The following RAB3GAP1 variants were observed in gnomAD, a reference collection of about 807,000 sequenced individuals.
The protein encoded by RAB3GAP1 is rab3 GTPase-activating protein catalytic subunit.
RAB3GAP1 carries 86 observed loss-of-function variants against 130.7 expected under a neutral mutation model. The observed-to-expected ratio is 0.66, with a 90% confidence interval of 0.55 to 0.79. The LOEUF (loss-of-function observed/expected upper bound fraction) is 0.79, where lower values mean the gene tolerates loss of function less well. RAB3GAP1 is among the 30% of genes least tolerant of loss of function. RAB3GAP1 has a pLI of 0.00. For synonymous variants in RAB3GAP1, 367 were observed against 401.7 expected, an observed-to-expected ratio of 0.91 and a Z score of 1.03; for missense variants, 1,029 against 1,169.4, an observed-to-expected ratio of 0.88 and a Z score of 1.75.
At chr2:135,130,167 T>C in intron 12 of RAB3GAP1, 80 bp downstream of exon 12, 1 of 1,161,462 alleles carries the variant, frequency 8.6e-7, no homozygotes, top group Non-Finnish European at 1.3e-6. Context: ...ACTTTTCATC[T>C]GTTTTCTCAT....
At chr2:135,131,803 T>A (rs889896431) in intron 13 of RAB3GAP1, among the ~76,000 whole-genome samples, 1 of 152,254 alleles carries the variant, frequency 6.6e-6, no homozygotes, top group Non-Finnish European at 1.5e-5. Flanking sequence ...TGACACTGCC[T>A]GGCATATATG....
intron 3 of RAB3GAP1, among the ~76,000 whole-genome samples, chr2:135,075,778 A>G (rs1689615318): frequency 6.6e-6 from 1 of 151,966 alleles, no homozygotes; most frequent in South Asian, 2.1e-4. Context: ...CGTGGGAGTC[A>G]TAGGATCAAA....
At chr2:135,052,582 T>G (rs1688911171) in intron 2 of RAB3GAP1, 97 bp downstream of exon 2, 2 of 1,428,964 alleles carry the variant, frequency 1.4e-6, no homozygotes, top group East Asian at 4.6e-5. Flanking sequence ...ACGCCACTTG[T>G]GCGGGAACGG....
chr2:135,055,634 C>T (rs1464028493), intron 2 of RAB3GAP1, among the ~76,000 whole-genome samples: 4 of 148,922 alleles, frequency 2.7e-5, no homozygotes, highest in Non-Finnish European at 4.4e-5. Flanking sequence ...GCTGTGATTA[C>T]ACCACTGCAT....
chr2:135,125,293 G>A (rs1691317201), intron 9 of RAB3GAP1, among the ~76,000 whole-genome samples: 1 of 152,166 alleles, frequency 6.6e-6, no homozygotes, highest in South Asian at 2.1e-4. Flanking sequence ...GCATGAATCA[G>A]TACAGTAGTA....
chr2:135,099,713 T>G (rs1690400732), intron 5 of RAB3GAP1, among the ~76,000 whole-genome samples: 1 of 152,092 alleles, frequency 6.6e-6, no homozygotes, highest in African/African-American at 2.4e-5. Context: ...GAGCCTGGCA[T>G]TCTCATTTTA....
chr2:135,081,359 TATAC>T (rs1242781249), intron 3 of RAB3GAP1, among the ~76,000 whole-genome samples: 4 of 81,080 alleles, frequency 4.9e-5, no homozygotes, highest in South Asian at 1.3e-3. Context: ...TATATATATA[TATAC>T]ACACACGTGT....
chr2:135,122,146 A>G (rs2104930113), intron 8 of RAB3GAP1, among the ~76,000 whole-genome samples: 1 of 152,290 alleles, frequency 6.6e-6, no homozygotes, highest in African/African-American at 2.4e-5. Flanking sequence ...TGGCAGTTAT[A>G]TGTACTACTA....
intron 2 of RAB3GAP1, among the ~76,000 whole-genome samples, chr2:135,053,154 A>G (rs530442680): frequency 5.3e-5 from 8 of 152,270 alleles, no homozygotes; most frequent in African/African-American, 1.7e-4. Flanking sequence ...ATTACGCCCA[A>G]CTAATTTTTT....
intron 18 of RAB3GAP1, 122 bp from the exon 19 acceptor site, chr2:135,153,527 A>G: frequency 1.1e-6 from 1 of 878,456 alleles, no homozygotes; most frequent in Non-Finnish European, 1.9e-6. Context: ...ATCCAAATTC[A>G]TTTTACATAT....
chr2:135,145,641 T>C (rs531137644), intron 17 of RAB3GAP1, among the ~76,000 whole-genome samples: 2 of 152,298 alleles, frequency 1.3e-5, no homozygotes, highest in South Asian at 4.1e-4. Context: ...TATAAGTTCA[T>C]AGTACTTCTT....
intron 5 of RAB3GAP1, among the ~76,000 whole-genome samples, chr2:135,109,422 A>C (rs1473631185): frequency 6.6e-6 from 1 of 152,114 alleles, no homozygotes; most frequent in African/African-American, 2.4e-5. Context: ...TTACAATTAA[A>C]TTAAAATATT....
chr2:135,096,580 A>G (rs1690300961), intron 5 of RAB3GAP1, among the ~76,000 whole-genome samples: 1 of 152,210 alleles, frequency 6.6e-6, no homozygotes, highest in Admixed American at 6.5e-5. Flanking sequence ...TAATGTGACT[A>G]AATTTATCAG....
downstream of RAB3GAP1, among the ~76,000 whole-genome samples, chr2:135,172,854 T>C (rs1692895802): frequency 6.6e-6 from 1 of 152,176 alleles, no homozygotes; most frequent in Non-Finnish European, 1.5e-5. Context: ...CCACACCCAT[T>C]GTACCAGGGT....
chr2:135,126,774 A>C lies in RAB3GAP1; in HGVS notation c.973+118A>C, dbSNP rs536780598. Reference sequence around the variant, plus strand: ...TCTTCAGTTAACACCATGTAGGAAAAAAATCATTGCCAATAGCAGTGAATC... The same window carrying C: ...TCTTCAGTTAACACCATGTAGGAAACAAATCATTGCCAATAGCAGTGAATC... On this transcript the variant is annotated intron_variant, in intron 11 of 23. Coordinates refer to ENST00000264158, the MANE Select transcript of RAB3GAP1 (RefSeq NM_012233.3). The C allele has an allele frequency of 1.3e-5, 11 of 877,630 alleles. No individual in the cohort carries two copies. In the African/African-American group the frequency reaches 1.3e-4, roughly 10 times the overall value. The allele number at this position is 877,630 out of a possible 1,614,324, so 54.4% of individuals were successfully genotyped here. A position where few individuals can be genotyped will look rare whatever the true frequency, so the allele number is the denominator to read the frequency against.
chr2:135,101,792 TC>T (rs1690455883), intron 5 of RAB3GAP1, among the ~76,000 whole-genome samples: 2 of 152,172 alleles, frequency 1.3e-5, no homozygotes, highest in Middle Eastern at 3.2e-3. Flanking sequence ...TAAATACTTT[TC>T]TTTTTTTATT....
intron 22 of RAB3GAP1, among the ~76,000 whole-genome samples, chr2:135,164,234 T>C (rs1365110772): frequency 6.6e-6 from 1 of 152,262 alleles, no homozygotes; most frequent in African/African-American, 2.4e-5. Context: ...TCATTGCTTT[T>C]ATTGGATAAA....
chr2:135,097,085 T>G (rs377618809), intron 5 of RAB3GAP1, among the ~76,000 whole-genome samples: 9 of 152,244 alleles, frequency 5.9e-5, no homozygotes, highest in Non-Finnish European at 1.0e-4. Context: ...ACTTCAACAC[T>G]TTATATAGTT....
chr2:135,118,586 T>C (rs777943398), intron 7 of RAB3GAP1, among the ~76,000 whole-genome samples: 3 of 152,168 alleles, frequency 2.0e-5, no homozygotes, highest in Non-Finnish European at 4.4e-5. Flanking sequence ...TTTGGGAAAT[T>C]TAGTTTGTAG....
Sources: gnomAD v4.1 joint callset for allele counts (sites outside exome capture counted in the v4.1 genomes callset) on GRCh38, gnomAD v4.1.1 for gene constraint, MANE v1.5 for transcripts, NCBI Gene and HGNC (gene_info 2026-07-23, HGNC 2026-07-21) for gene names.